The following DZIP1 variants were observed in gnomAD, a reference collection of about 807,000 sequenced individuals.
The protein encoded by DZIP1 is DAZ interacting zinc finger protein 1.
A neutral mutation model predicts 107.6 loss-of-function variants in DZIP1; 97 were observed. That is an observed-to-expected ratio of 0.90 (90% confidence interval 0.77 to 1.07). DZIP1 has a LOEUF of 1.07. Among genes scored for constraint, DZIP1 ranks in the 50% least tolerant of loss-of-function variants. DZIP1 has a pLI of 0.00. For missense variants in DZIP1, 1,035 were observed against 1,063.6 expected (o/e 0.97, Z 0.37); for synonymous variants, 390 against 386.4 (o/e 1.01, Z -0.11).
chr13:95,614,395 A>G (rs1206463924), intron 10 of DZIP1, among the ~76,000 whole-genome samples: 2 of 152,174 alleles, frequency 1.3e-5, no homozygotes, highest in Non-Finnish European at 2.9e-5. Context: ...GCTGGAAAAT[A>G]GAAGGAAAAG....
chr13:95,605,737 C>G (rs946512972), intron 14 of DZIP1, among the ~76,000 whole-genome samples: 7 of 152,224 alleles, frequency 4.6e-5, no homozygotes, highest in Admixed American at 2.0e-4. Flanking sequence ...ATAATCAAGA[C>G]ACTACCCAAA....
intron 5 of DZIP1, among the ~76,000 whole-genome samples, chr13:95,633,706 A>G (rs971303320): frequency 6.7e-6 from 1 of 148,528 alleles, no homozygotes; most frequent in Admixed American, 6.7e-5. Flanking sequence ...AAAAAAATTC[A>G]GGTACCTGAA....
intron 5 of DZIP1, among the ~76,000 whole-genome samples, chr13:95,637,632 C>G (rs1877969660): frequency 6.6e-6 from 1 of 151,410 alleles, no homozygotes; most frequent in African/African-American, 2.4e-5. Flanking sequence ...CTCTCTCTCT[C>G]TCTCTCTCTC....
intron 10 of DZIP1, among the ~76,000 whole-genome samples, chr13:95,617,415 A>C (rs1428363475): frequency 6.6e-6 from 1 of 152,088 alleles, no homozygotes; most frequent in Admixed American, 6.6e-5. Flanking sequence ...CTCTCAATGC[A>C]GCCTGTGAGT....
At chr13:95,605,257 T>C (rs1394530996) in intron 14 of DZIP1, among the ~76,000 whole-genome samples, 1 of 152,324 alleles carries the variant, frequency 6.6e-6, no homozygotes, top group Non-Finnish European at 1.5e-5. Context: ...GAAATAATCC[T>C]TGGATTCCAG....
chr13:95,640,277 TG>T (rs1878343824), intron 5 of DZIP1, among the ~76,000 whole-genome samples: 1 of 152,076 alleles, frequency 6.6e-6, no homozygotes, highest in South Asian at 2.1e-4. Flanking sequence ...GGATTACAGG[TG>T]TGAGCCACTG....
chr13:95,643,811 T>TAA (rs1366796663), intron 1 of DZIP1, 113 bp from the exon 2 acceptor site: 1 of 152,292 alleles, frequency 6.6e-6, no homozygotes, highest in Non-Finnish European at 1.5e-5. Context: ...CTCCTGGCCC[T>TAA]TTATCCCTCC....
At chr13:95,634,476 A>G (rs1002264346) in intron 5 of DZIP1, among the ~76,000 whole-genome samples, 6 of 152,252 alleles carry the variant, frequency 3.9e-5, no homozygotes, top group Admixed American at 3.9e-4. Context: ...TTCTCCCCAG[A>G]ACACAGGCTT....
chr13:95,620,693 A>G (rs1027528977), intron 9 of DZIP1, among the ~76,000 whole-genome samples: 1 of 152,226 alleles, frequency 6.6e-6, no homozygotes, highest in African/African-American at 2.4e-5. Context: ...CATAGCCAGT[A>G]ACACTTTATT....
At chr13:95,584,660 A>C (rs2044107226) in intron 22 of DZIP1, 76 bp downstream of exon 22, 1 of 1,527,728 alleles carries the variant, frequency 6.5e-7, no homozygotes, top group Non-Finnish European at 8.8e-7. Flanking sequence ...GCATAAGTTA[A>C]TTAGATATTT....
intron 12 of DZIP1, among the ~76,000 whole-genome samples, chr13:95,610,860 T>G (rs1298691338): frequency 6.6e-6 from 1 of 152,180 alleles, no homozygotes; most frequent in East Asian, 1.9e-4. Context: ...CCTTTCTCTG[T>G]CTCATGCATT....
At chr13:95,612,320 C>T (rs2045039165) in intron 10 of DZIP1, 143 bp from the exon 11 acceptor site, 1 of 954,876 alleles carries the variant, frequency 1.0e-6, no homozygotes, top group Non-Finnish European at 1.5e-6. Context: ...AATCTTTGAT[C>T]ATGGTATATC....
At chr13:95,625,687 C>A (rs566477194) in intron 7 of DZIP1, among the ~76,000 whole-genome samples, 38 of 152,148 alleles carry the variant, frequency 2.5e-4, no homozygotes, top group African/African-American at 7.7e-4. Flanking sequence ...CTTAAACAAC[C>A]AATGGGTTAA....
At chr13:95,614,226 A>G (rs144614502) in intron 10 of DZIP1, among the ~76,000 whole-genome samples, 250 of 152,068 alleles carry the variant, frequency 1.6e-3, no homozygotes, top group African/African-American at 5.5e-3. Flanking sequence ...ACTGGGTGGA[A>G]CCAATCTAGA....
chr13:95,585,232 G>A (rs1022694673), intron 21 of DZIP1, among the ~76,000 whole-genome samples: 1 of 152,192 alleles, frequency 6.6e-6, no homozygotes, highest in African/African-American at 2.4e-5. Flanking sequence ...CAGAGTAGGA[G>A]TGAGGCTTGC....
Position 95,587,569 on chromosome 13 carries a change from C to G in DZIP1, c.2188G>C (p.Glu730Gln). 1 of 1,614,044 alleles carries G rather than the reference C, an allele frequency of 6.2e-7. No individual in the cohort carries two copies. Among genetic ancestry groups the G allele is most frequent in the South Asian group, 1.1e-5 (1 of 91,070 alleles). The part of the protein sequence containing the change: ...DADGTEGSEI[E>Q]DTDDSPKPAG... ...GGCTTGGGAGAATCATCAGTGTCCTCGATTTCGCTTCCCTCGGTCCCGTCC... is the reference window on the plus strand; with the variant it reads ...GGCTTGGGAGAATCATCAGTGTCCTGGATTTCGCTTCCCTCGGTCCCGTCC... Residue 730 changes from glutamate to glutamine, a missense_variant, in exon 20 of 23, where the codon GAG becomes CAG. Physicochemically the swap from Glu to Gln is conservative, Grantham distance 29. Coordinates refer to ENST00000376829, the MANE Select transcript of DZIP1 (RefSeq NM_198968.4).
chr13:95,617,987 C>G (rs747757396), intron 10 of DZIP1: 1 of 518,980 alleles, frequency 1.9e-6, no homozygotes, highest in Non-Finnish European at 3.8e-6. Flanking sequence ...GGGAACAAAC[C>G]CAAGAACTTC....
chr13:95,592,076 G>A (rs2044325280), intron 16 of DZIP1, among the ~76,000 whole-genome samples: 1 of 152,144 alleles, frequency 6.6e-6, no homozygotes, highest in African/African-American at 2.4e-5. Context: ...TGACAAAAAT[G>A]TCCTTTTAAA....
chr13:95,592,984 AAGAG>A (rs2044352599), intron 16 of DZIP1, among the ~76,000 whole-genome samples: 1 of 151,864 alleles, frequency 6.6e-6, no homozygotes, highest in South Asian at 2.1e-4. Context: ...CAGAAAGTAA[AAGAG>A]AGTCTTCCAG....
Sources: gnomAD v4.1 joint callset for allele counts (sites outside exome capture counted in the v4.1 genomes callset) on GRCh38, gnomAD v4.1.1 for gene constraint, MANE v1.5 for transcripts, NCBI Gene and HGNC (gene_info 2026-07-23, HGNC 2026-07-21) for gene names.